The following ECHDC1 variants were observed in gnomAD, a reference collection of about 807,000 sequenced individuals.
ECHDC1 encodes the protein ethylmalonyl-CoA decarboxylase 1.
A neutral mutation model predicts 29.7 loss-of-function variants in ECHDC1; 29 were observed. The ratio of observed to expected loss-of-function variants is 0.98; its 90% confidence interval spans 0.73 to 1.33. ECHDC1 has a LOEUF of 1.33. ECHDC1 is among the 40% of genes most tolerant of loss of function. The pLI, the probability that ECHDC1 is intolerant of heterozygous loss-of-function variation, is 0.00. For missense variants in ECHDC1, 328 were observed against 350.0 expected (o/e 0.94, Z 0.50); for synonymous variants, 126 against 123.1 (o/e 1.02, Z -0.15).
chr6:127,343,208 G>T lies in ECHDC1; in HGVS notation c.-3+128C>A, dbSNP rs1157234657. On this transcript the variant is annotated intron_variant, in intron 1 of 5. Transcript: ENST00000454859. ...TTGCAAGGGACAAGCCGCGGAGCCGGGGAGGCTCGCCGTCTGGGACACGTT... is the reference window on the plus strand; with the variant it reads ...TTGCAAGGGACAAGCCGCGGAGCCGTGGAGGCTCGCCGTCTGGGACACGTT... The T allele has an allele frequency of 3.3e-5, 5 of 152,332 alleles. No homozygotes were observed. In the South Asian group the frequency reaches 6.2e-4, roughly 19 times the overall value. The allele number at this position is 152,332 out of a possible 1,614,324, so 9.4% of individuals were successfully genotyped here.
intron 1 of ECHDC1, among the ~76,000 whole-genome samples, chr6:127,340,356 G>A (rs1231783577): frequency 6.6e-6 from 1 of 152,138 alleles, no homozygotes; most frequent in African/African-American, 2.4e-5. Flanking sequence ...GAGGATGAAG[G>A]GAACTTGCTT....
Position 127,330,805 on chromosome 6 carries a change from A to G in ECHDC1, c.220+4T>C. The G allele has an allele frequency of 1.2e-6, 2 of 1,610,918 alleles. No individual in the cohort carries two copies. Among genetic ancestry groups the G allele is most frequent in the Non-Finnish European group, 1.7e-6 (2 of 1,177,614 alleles). ...TTCTTTAGGAATAAAAAGATCCCTA[A>G]TACCTGAAAAGGCATTCATTCTACT... On this transcript the variant is annotated splice_donor_region_variant and intron_variant, in intron 2 of 5. Transcript: ENST00000454859.
intron 1 of ECHDC1, among the ~76,000 whole-genome samples, chr6:127,338,441 C>T (rs1458641453): frequency 6.6e-6 from 1 of 151,292 alleles, no homozygotes; most frequent in Admixed American, 6.6e-5. Context: ...TTTTTTTCCA[C>T]CAGTAAACCT....
chr6:127,330,161 TA>T (rs1783794689), intron 2 of ECHDC1, among the ~76,000 whole-genome samples: 2 of 152,190 alleles, frequency 1.3e-5, no homozygotes, highest in Admixed American at 1.3e-4. Context: ...AACACAGTGG[TA>T]GCGTAGTTCA....
chr6:127,290,403 T>A (rs984148022), intron 5 of ECHDC1, 126 bp from the exon 6 acceptor site: 11 of 984,472 alleles, frequency 1.1e-5, no homozygotes, highest in Non-Finnish European at 1.6e-5. Flanking sequence ...TTAAAAACAA[T>A]GTTTGAAAAA....
At chr6:127,318,115 T>C (rs1782547561) in intron 3 of ECHDC1, 1 of 152,244 alleles carries the variant, frequency 6.6e-6, no homozygotes, top group Non-Finnish European at 1.5e-5. Flanking sequence ...GCAAGGCCAC[T>C]TGATCCCAAA....
chr6:127,313,582 G>C, intron 5 of ECHDC1: 1 of 456,012 alleles, frequency 2.2e-6, no homozygotes, highest in South Asian at 1.5e-5. Context: ...TTTCTCTTCA[G>C]TGTCTGAAAC....
chr6:127,307,178 CAG>C (rs1320862500), intron 5 of ECHDC1, among the ~76,000 whole-genome samples: 2 of 152,080 alleles, frequency 1.3e-5, no homozygotes, highest in African/African-American at 2.4e-5. Flanking sequence ...GCAGTACTAA[CAG>C]GGAGTTTATA....
chr6:127,304,224 G>A (rs1562310861), intron 5 of ECHDC1, among the ~76,000 whole-genome samples: 1 of 152,192 alleles, frequency 6.6e-6, no homozygotes, highest in African/African-American at 2.4e-5. Flanking sequence ...TTGTTTGGGA[G>A]AAAGTGAGGG....
chr6:127,324,971 T>A (rs1254639589), intron 3 of ECHDC1, among the ~76,000 whole-genome samples: 4 of 152,122 alleles, frequency 2.6e-5, no homozygotes. Context: ...CCCCCTTGAG[T>A]GTAGACTAAA....
chr6:127,308,615 C>G (rs1053178748), intron 5 of ECHDC1, among the ~76,000 whole-genome samples: 1 of 152,140 alleles, frequency 6.6e-6, no homozygotes, highest in Non-Finnish European at 1.5e-5. Flanking sequence ...TGCCTACGTT[C>G]ACAACTGTTA....
chr6:127,309,644 G>A (rs1270402048), intron 5 of ECHDC1, among the ~76,000 whole-genome samples: 2 of 151,986 alleles, frequency 1.3e-5, no homozygotes, highest in African/African-American at 2.4e-5. Flanking sequence ...AATTTCTTGA[G>A]CAATATTCCA....
At chr6:127,340,916 T>G (rs1251369168) in intron 1 of ECHDC1, among the ~76,000 whole-genome samples, 1 of 152,194 alleles carries the variant, frequency 6.6e-6, no homozygotes, top group Admixed American at 6.5e-5. Context: ...TGCTCTGTCT[T>G]GATACATTAC....
chr6:127,321,720 G>T (rs757873420), intron 3 of ECHDC1, among the ~76,000 whole-genome samples: 33 of 151,960 alleles, frequency 2.2e-4, no homozygotes, highest in Middle Eastern at 3.4e-3. Context: ...GCTGGACGTC[G>T]GGCCAGGTGC....
intron 1 of ECHDC1, among the ~76,000 whole-genome samples, chr6:127,339,448 ATAATATCTATATT>A (rs980752455): frequency 6.6e-6 from 1 of 151,806 alleles, no homozygotes; most frequent in African/African-American, 2.4e-5. Context: ...TAAACTAAAG[ATAATATCTATATT>A]TACAAAATAA....
At chr6:127,325,605 C>T (rs1783253837) in intron 3 of ECHDC1, among the ~76,000 whole-genome samples, 1 of 152,066 alleles carries the variant, frequency 6.6e-6, no homozygotes, top group Non-Finnish European at 1.5e-5. Flanking sequence ...TTATTATTAA[C>T]TTTGTGTGTA....
rs150247748 is a variant in ECHDC1 at position 127,315,563 on chromosome 6, A to AC, written c.417-668dup. On this transcript the variant is annotated intron_variant, in intron 4 of 5. Coordinates refer to ENST00000454859, the MANE Select transcript of ECHDC1 (RefSeq NM_001002030.2). ...CAAGATGGAATTTTTGTAGGTTCTG[A>AC]CCTACAATGCAAAGGTGCAGGTCTA... 1.5e-3 allele frequency: 324 copies of AC among 222,794 alleles called. 1 individual carries two copies. Among genetic ancestry groups the AC allele is most frequent in the African/African-American group, 7.1e-3 (301 of 42,656 alleles). 13.8% of individuals were successfully genotyped at this position (222,794 alleles called of 1,614,324 possible). A position where few individuals can be genotyped will look rare whatever the true frequency, so the allele number is the denominator to read the frequency against.
At chr6:127,336,342 T>C (rs978856977) in intron 1 of ECHDC1, among the ~76,000 whole-genome samples, 9 of 152,178 alleles carry the variant, frequency 5.9e-5, no homozygotes, top group African/African-American at 2.2e-4. Flanking sequence ...AAACAAATGA[T>C]TCACTTGAAA....
chr6:127,296,073 TAGA>T (rs1190669270), intron 5 of ECHDC1, among the ~76,000 whole-genome samples: 2 of 152,240 alleles, frequency 1.3e-5, no homozygotes, highest in African/African-American at 2.4e-5. Flanking sequence ...ATTCAAGTAC[TAGA>T]AGAAACACGC....
Sources: gnomAD v4.1 joint callset for allele counts (sites outside exome capture counted in the v4.1 genomes callset) on GRCh38, gnomAD v4.1.1 for gene constraint, MANE v1.5 for transcripts, NCBI Gene and HGNC (gene_info 2026-07-23, HGNC 2026-07-21) for gene names.